The following CCSER1 variants were observed in gnomAD, a reference collection of about 807,000 sequenced individuals.
CCSER1 encodes serine-rich coiled-coil domain-containing protein 1.
In CCSER1, 41 loss-of-function variants were observed where a neutral mutation model predicts 82.0. The observed-to-expected ratio is 0.50, with a 90% CI of 0.39 to 0.65. The LOEUF (loss-of-function observed/expected upper bound fraction) is 0.65. CCSER1 is among the 30% of genes least tolerant of loss of function. The probability of loss-of-function intolerance (pLI) is 0.00; values close to 1 mark genes in which losing one functional copy is unlikely to be tolerated. For missense variants in CCSER1, 1,119 were observed against 1,064.2 expected (o/e 1.05, Z -0.72); for synonymous variants, 414 against 383.9 (o/e 1.08, Z -0.92).
chr4:91,437,987 C>A (rs976301591), intron 10 of CCSER1, among the ~76,000 whole-genome samples: 1 of 152,192 alleles, frequency 6.6e-6, no homozygotes, highest in Non-Finnish European at 1.5e-5. Context: ...GAAGCTCGAA[C>A]TGGGTGGAGC....
At chr4:90,652,836 TA>T (rs1560888445) in intron 6 of CCSER1, among the ~76,000 whole-genome samples, 1 of 151,616 alleles carries the variant, frequency 6.6e-6, no homozygotes, top group African/African-American at 2.4e-5. Flanking sequence ...CCTGTCTTAC[TA>T]GAAGAATCCA....
chr4:90,270,955 T>C (rs1008043138), intron 1 of CCSER1, among the ~76,000 whole-genome samples: 14 of 152,054 alleles, frequency 9.2e-5, no homozygotes, highest in Non-Finnish European at 1.3e-4. Flanking sequence ...ATCTCTTCAA[T>C]GGAAACTATA....
At chr4:90,147,524 T>C (rs7697471) in intron 1 of CCSER1, among the ~76,000 whole-genome samples, 109,047 of 151,958 alleles carry the variant, frequency 0.72, 40,351 homozygotes, top group African/African-American at 0.89. Flanking sequence ...TTACAGGCTA[T>C]TCTAGATTAA....
intron 3 of CCSER1, among the ~76,000 whole-genome samples, chr4:90,386,904 GT>G (rs993637833): frequency 2.6e-5 from 4 of 151,906 alleles, no homozygotes; most frequent in Non-Finnish European, 5.9e-5. Context: ...CTAATATGGT[GT>G]TTTTTTATGT....
At chr4:90,614,043 A>G (rs1194941356) in intron 5 of CCSER1, among the ~76,000 whole-genome samples, 1 of 152,192 alleles carries the variant, frequency 6.6e-6, no homozygotes, top group Admixed American at 6.5e-5. Flanking sequence ...AAGCAAGTCC[A>G]TCGGTGCTAG....
At chr4:91,538,010 A>G (rs1761385697) in intron 10 of CCSER1, among the ~76,000 whole-genome samples, 1 of 152,082 alleles carries the variant, frequency 6.6e-6, no homozygotes, top group Non-Finnish European at 1.5e-5. Context: ...TTATATTCAG[A>G]TAGACACTAA....
intron 8 of CCSER1, among the ~76,000 whole-genome samples, chr4:90,894,417 C>T (rs1309813891): frequency 6.6e-6 from 1 of 151,894 alleles, no homozygotes; most frequent in Non-Finnish European, 1.5e-5. Flanking sequence ...AGCGCATGGC[C>T]CTGTGTTGAA....
At chr4:90,411,759 C>A (rs975166543) in intron 4 of CCSER1, among the ~76,000 whole-genome samples, 27 of 152,106 alleles carry the variant, frequency 1.8e-4, no homozygotes, top group Non-Finnish European at 2.6e-4. Context: ...ATAGTGTTGG[C>A]AGTTCTGGCC....
chr4:91,301,779 A>G (rs1355104315), intron 10 of CCSER1, among the ~76,000 whole-genome samples: 2 of 151,900 alleles, frequency 1.3e-5, no homozygotes, highest in South Asian at 2.1e-4. Context: ...CCACCACAAC[A>G]AAAAGAAATA....
chr4:90,656,800 T>C (rs28639798), intron 6 of CCSER1, among the ~76,000 whole-genome samples: 28 of 152,164 alleles, frequency 1.8e-4, no homozygotes, highest in Non-Finnish European at 3.8e-4. Context: ...TTATGCAATT[T>C]AAATAAACTA....
chr4:90,555,079 A>AT (rs1035734917), intron 5 of CCSER1, among the ~76,000 whole-genome samples: 2 of 151,956 alleles, frequency 1.3e-5, no homozygotes, highest in African/African-American at 2.4e-5. Flanking sequence ...GCTGTAATGC[A>AT]TTTTTTGCTC....
At chr4:90,606,836 A>C (rs1298220555) in intron 5 of CCSER1, among the ~76,000 whole-genome samples, 1 of 152,202 alleles carries the variant, frequency 6.6e-6, no homozygotes, top group African/African-American at 2.4e-5. Flanking sequence ...ACTCATACAG[A>C]TAAACTAGGT....
chr4:90,781,457 T>C (rs889262456), intron 7 of CCSER1: 5 of 984,842 alleles, frequency 5.1e-6, no homozygotes, highest in Non-Finnish European at 6.0e-6. Flanking sequence ...TCAAATTTAA[T>C]GAAATGATGG....
chr4:90,614,468 C>T (rs998217234), intron 5 of CCSER1, among the ~76,000 whole-genome samples: 5 of 152,108 alleles, frequency 3.3e-5, no homozygotes, highest in African/African-American at 1.2e-4. Flanking sequence ...GTTGTGGATG[C>T]AAAGGAAAAG....
intron 9 of CCSER1, among the ~76,000 whole-genome samples, chr4:90,957,115 T>A (rs1365287101): frequency 1.5e-5 from 2 of 135,346 alleles, no homozygotes; most frequent in African/African-American, 5.6e-5. Flanking sequence ...TTTTTTTTTT[T>A]TTTTTGAGAC....
At chr4:90,694,627 C>CTTG (rs56979244) in intron 6 of CCSER1, among the ~76,000 whole-genome samples, 33,501 of 151,704 alleles carry the variant, frequency 0.22, 4,555 homozygotes, top group African/African-American at 0.38. Context: ...TTCGTGTTTA[C>CTTG]TTGTTGTTTT....
rs558776273 is a variant in CCSER1, at chr4:90,346,343, G to A, written c.1509+33296G>A. On this transcript the variant is annotated intron_variant, in intron 3 of 10. Coordinates refer to ENST00000509176, the MANE Select transcript of CCSER1 (RefSeq NM_001145065.2). ...GTATATTTCTTAAGCACTTATAACC[G>A]TGTAGATCTCTCTTCTTTATTGCAG... is the stretch of plus-strand genomic sequence containing the variant. 4.7e-3 allele frequency among the ~76,000 whole-genome samples: 721 copies of A among 151,874 alleles called. 6 individuals are homozygous for A. In the Middle Eastern group the frequency reaches 0.048, roughly 10 times the overall value.
chr4:90,200,866 A>G (rs1737564806), intron 1 of CCSER1, among the ~76,000 whole-genome samples: 2 of 152,256 alleles, frequency 1.3e-5, no homozygotes, highest in South Asian at 4.1e-4. Flanking sequence ...ACTATGTATA[A>G]TGATGCTTTT....
chr4:91,480,239 G>A (rs188415628), intron 10 of CCSER1, among the ~76,000 whole-genome samples: 2,803 of 152,140 alleles, frequency 0.018, 75 homozygotes, highest in African/African-American at 0.061. Context: ...ATGATTTATA[G>A]TCCTTTGGGT....
Sources: allele counts gnomAD v4.1 joint callset (sites outside exome capture counted in the v4.1 genomes callset), GRCh38; gene constraint gnomAD v4.1.1; transcripts MANE v1.5; gene names NCBI Gene and HGNC (gene_info 2026-07-23, HGNC 2026-07-21).